The following HHAT variants were observed in gnomAD, a reference collection of about 807,000 sequenced individuals.
The protein encoded by HHAT is protein-cysteine N-palmitoyltransferase HHAT.
Under a neutral mutation model 70.8 loss-of-function variants are expected in HHAT, and 47 were observed. That is an observed-to-expected ratio of 0.66 (90% CI 0.53 to 0.85). The LOEUF is 0.85. HHAT is among the 40% of genes least tolerant of loss of function. The pLI is 0.00. For synonymous variants in HHAT, 228 were observed against 247.6 expected, an observed-to-expected ratio of 0.92 and a Z score of 0.74; for missense variants, 609 against 604.8, an observed-to-expected ratio of 1.01 and a Z score of -0.07.
intron 4 of HHAT, among the ~76,000 whole-genome samples, chr1:210,392,486 T>G (rs941678094): frequency 1.3e-5 from 2 of 152,188 alleles, no homozygotes; most frequent in African/African-American, 4.8e-5. Flanking sequence ...GATATCCTGT[T>G]TATATCTCTT....
At chr1:210,559,741 G>T (rs960700683) in intron 9 of HHAT, among the ~76,000 whole-genome samples, 2 of 150,800 alleles carry the variant, frequency 1.3e-5, no homozygotes, top group Admixed American at 1.3e-4. Flanking sequence ...CTGCTCTATG[G>T]ATGAGTGACT....
intron 5 of HHAT, among the ~76,000 whole-genome samples, chr1:210,402,936 C>G (rs966690861): frequency 1.3e-5 from 2 of 152,184 alleles, no homozygotes; most frequent in African/African-American, 4.8e-5. Flanking sequence ...CCCATCTCTT[C>G]CTACTCTGAA....
At chr1:210,660,132 T>C (rs923201319) in intron 11 of HHAT, among the ~76,000 whole-genome samples, 1 of 152,196 alleles carries the variant, frequency 6.6e-6, no homozygotes, top group Admixed American at 6.5e-5. Context: ...ATTGTCCCTG[T>C]TTGCAGAAGA....
chr1:210,582,458 G>A (rs953976612), intron 9 of HHAT, among the ~76,000 whole-genome samples: 52 of 152,096 alleles, frequency 3.4e-4, no homozygotes, highest in African/African-American at 1.1e-3. Context: ...CTTTGTTGGG[G>A]TCTGGGATTA....
chr1:210,397,473 T>C (rs1463224889), intron 4 of HHAT, among the ~76,000 whole-genome samples: 2 of 152,158 alleles, frequency 1.3e-5, no homozygotes, highest in African/African-American at 4.8e-5. Context: ...CTGCTCTTAT[T>C]ACCCTGAGAA....
chr1:210,395,481 A>C (rs2091732762), intron 4 of HHAT, among the ~76,000 whole-genome samples: 1 of 152,182 alleles, frequency 6.6e-6, no homozygotes, highest in South Asian at 2.1e-4. Flanking sequence ...TTCTCCCGGG[A>C]GACTCTGCTG....
chr1:210,465,513 T>C (rs554398404), intron 8 of HHAT, among the ~76,000 whole-genome samples: 4 of 152,340 alleles, frequency 2.6e-5, no homozygotes, highest in Non-Finnish European at 4.4e-5. Context: ...CATTCCTTTT[T>C]ATTTTTTAAT....
At chr1:210,601,314 G>A (rs1290035529) in intron 10 of HHAT, among the ~76,000 whole-genome samples, 1 of 152,104 alleles carries the variant, frequency 6.6e-6, no homozygotes, top group Non-Finnish European at 1.5e-5. Flanking sequence ...TATCTAGTTG[G>A]CCTGATTAGA....
chr1:210,484,147 G>A (rs1007229396), intron 8 of HHAT, among the ~76,000 whole-genome samples: 15 of 152,162 alleles, frequency 9.9e-5, no homozygotes, highest in African/African-American at 3.4e-4. Flanking sequence ...TTAACCCCAA[G>A]CCTGATTTCT....
intron 1 of HHAT, among the ~76,000 whole-genome samples, chr1:210,330,403 G>T (rs1365018263): frequency 3.3e-5 from 5 of 152,188 alleles, no homozygotes; most frequent in Admixed American, 3.3e-4. Context: ...TTTCACAGTA[G>T]GATAGAGAAA....
intron 10 of HHAT, among the ~76,000 whole-genome samples, chr1:210,603,810 T>TA (rs1664788884): frequency 6.6e-6 from 1 of 152,194 alleles, no homozygotes; most frequent in African/African-American, 2.4e-5. Context: ...AACTCTGCTT[T>TA]AAAAAGCCTT....
chr1:210,517,364 C>T lies in HHAT; in HGVS notation c.1043+4176C>T, dbSNP rs543845136. 1.1e-4 allele frequency among the ~76,000 whole-genome samples: 16 copies of T among 152,216 alleles called. No homozygotes were observed. In the South Asian group the frequency reaches 2.5e-3, roughly 24 times the overall value. On this transcript the variant is annotated intron_variant, in intron 9 of 11. Coordinates refer to ENST00000261458, the MANE Select transcript of HHAT (RefSeq NM_018194.6). Reference sequence around the variant, plus strand: ...CTGGTCTTGAACTCATGAGCTCAAGCGATCCTCCCGCAGTGCTGGGATTAC... The same window carrying T: ...CTGGTCTTGAACTCATGAGCTCAAGTGATCCTCCCGCAGTGCTGGGATTAC...
At chr1:210,648,238 C>A (rs1459019634) in intron 11 of HHAT, among the ~76,000 whole-genome samples, 1 of 152,138 alleles carries the variant, frequency 6.6e-6, no homozygotes, top group African/African-American at 2.4e-5. Flanking sequence ...CTTTTCAGAC[C>A]CTCCTGGTGC....
chr1:210,620,661 G>A (rs762187682), intron 10 of HHAT, among the ~76,000 whole-genome samples: 2 of 152,154 alleles, frequency 1.3e-5, no homozygotes, highest in Admixed American at 6.5e-5. Context: ...CACCCTGGGG[G>A]ATAATCAAGA....
At chr1:210,415,659 A>AT (rs2092698461) in intron 6 of HHAT, among the ~76,000 whole-genome samples, 3 of 149,406 alleles carry the variant, frequency 2.0e-5, no homozygotes, top group Non-Finnish European at 4.5e-5. Flanking sequence ...TGTTGTACCA[A>AT]TTTTTTCCTT....
chr1:210,354,193 G>GTTT (rs2087357316), intron 2 of HHAT, among the ~76,000 whole-genome samples: 1 of 103,616 alleles, frequency 9.7e-6, no homozygotes, highest in African/African-American at 3.7e-5. Flanking sequence ...TAAACATAAT[G>GTTT]TCTTTTTTTT....
intron 8 of HHAT, among the ~76,000 whole-genome samples, chr1:210,483,269 CATA>C (rs1351797782): frequency 6.6e-6 from 1 of 152,094 alleles, no homozygotes; most frequent in East Asian, 1.9e-4. Flanking sequence ...TACATCAAAT[CATA>C]GTAGTGATTT....
intron 4 of HHAT, among the ~76,000 whole-genome samples, chr1:210,388,608 T>A (rs2091249349): frequency 6.6e-6 from 1 of 152,186 alleles, no homozygotes; most frequent in South Asian, 2.1e-4. Flanking sequence ...ATATTAGATG[T>A]TGTCAGATCT....
At chr1:210,410,464 T>A in intron 6 of HHAT, among the ~76,000 whole-genome samples, 1 of 148,856 alleles carries the variant, frequency 6.7e-6, no homozygotes, top group Non-Finnish European at 1.5e-5. Context: ...TTTTTTTAAG[T>A]AAAAGCAAAT....
Sources: gnomAD v4.1 joint callset for allele counts (sites outside exome capture counted in the v4.1 genomes callset) on GRCh38, gnomAD v4.1.1 for gene constraint, MANE v1.5 for transcripts, NCBI Gene and HGNC (gene_info 2026-07-23, HGNC 2026-07-21) for gene names.